The following ERC2 variants were observed in gnomAD, a reference collection of about 807,000 sequenced individuals.
ERC2 encodes ERC protein 2.
Under a neutral mutation model 114.8 loss-of-function variants are expected in ERC2, and 42 were observed. The ratio of observed to expected loss-of-function variants is 0.37; its 90% CI spans 0.29 to 0.47. The LOEUF (loss-of-function observed/expected upper bound fraction) is 0.47. Among genes scored for constraint, ERC2 ranks in the 20% least tolerant of loss-of-function variants. The probability of loss-of-function intolerance (pLI) is 0.99; values close to 1 mark genes in which losing one functional copy is unlikely to be tolerated. For missense variants in ERC2, 939 were observed against 1,150.7 expected, an observed-to-expected ratio of 0.82 and a Z score of 2.66; for synonymous variants, 454 against 425.5, an observed-to-expected ratio of 1.07 and a Z score of -0.82.
At chr3:55,530,914 C>G (rs2053625287) in intron 17 of ERC2, among the ~76,000 whole-genome samples, 1 of 152,190 alleles carries the variant, frequency 6.6e-6, no homozygotes, top group Non-Finnish European at 1.5e-5. Context: ...GGTTTGGATT[C>G]TAACAGGACT....
At chr3:55,943,350 A>G (rs2066924599) in intron 13 of ERC2, among the ~76,000 whole-genome samples, 1 of 152,182 alleles carries the variant, frequency 6.6e-6, no homozygotes, top group Admixed American at 6.5e-5. Flanking sequence ...ATGGAGTAAA[A>G]TAGAATAGAA....
chr3:55,829,874 T>G (rs367618083), intron 14 of ERC2, among the ~76,000 whole-genome samples: 1 of 151,928 alleles, frequency 6.6e-6, no homozygotes, highest in East Asian at 1.9e-4. Flanking sequence ...AGAAAAAGAG[T>G]GCAGTGCTGA....
intron 15 of ERC2, among the ~76,000 whole-genome samples, chr3:55,700,454 C>G (rs2063162847): frequency 6.6e-6 from 1 of 152,206 alleles, no homozygotes; most frequent in Admixed American, 6.5e-5. Flanking sequence ...TTCCTCAACT[C>G]TAAAATGAGA....
intron 15 of ERC2, among the ~76,000 whole-genome samples, chr3:55,734,267 C>A (rs2148921510): frequency 6.6e-6 from 1 of 152,126 alleles, no homozygotes; most frequent in Non-Finnish European, 1.5e-5. Flanking sequence ...AGTGCTAGAA[C>A]CTGGGAGATG....
chr3:56,109,914 G>A (rs553788074), intron 6 of ERC2, among the ~76,000 whole-genome samples: 1 of 152,266 alleles, frequency 6.6e-6, no homozygotes, highest in African/African-American at 2.4e-5. Context: ...AAATTCAACT[G>A]TATGTACAGC....
intron 1 of ERC2, among the ~76,000 whole-genome samples, chr3:56,458,234 A>G (rs1241712466): frequency 6.6e-6 from 1 of 152,232 alleles, no homozygotes; most frequent in African/African-American, 2.4e-5. Flanking sequence ...AAACTGTTGT[A>G]AAAATATATA....
chr3:56,307,401 A>G (rs1015030050), intron 2 of ERC2, among the ~76,000 whole-genome samples: 11 of 152,076 alleles, frequency 7.2e-5, no homozygotes, highest in Admixed American at 5.9e-4. Context: ...TTTGAGCAAT[A>G]TTGGCTGAGA....
At chr3:55,948,555 C>T (rs749531370) in intron 13 of ERC2, among the ~76,000 whole-genome samples, 11 of 152,186 alleles carry the variant, frequency 7.2e-5, no homozygotes, top group African/African-American at 2.2e-4. Context: ...CAAAATTAAT[C>T]GTGATTACTT....
chr3:56,170,326 G>A (rs751136645), intron 4 of ERC2, among the ~76,000 whole-genome samples: 1 of 152,196 alleles, frequency 6.6e-6, no homozygotes, highest in East Asian at 1.9e-4. Flanking sequence ...ATTTCCCAAG[G>A]TTCACCCCAG....
At chr3:56,247,082 G>A (rs1298667680) in intron 3 of ERC2, among the ~76,000 whole-genome samples, 1 of 152,210 alleles carries the variant, frequency 6.6e-6, no homozygotes, top group East Asian at 1.9e-4. Context: ...CTAAAAACTG[G>A]TGTGGACACT....
intron 3 of ERC2, among the ~76,000 whole-genome samples, chr3:56,201,805 A>C (rs745856117): frequency 6.6e-6 from 1 of 152,350 alleles, no homozygotes; most frequent in South Asian, 2.1e-4. Context: ...ATTCATAATA[A>C]AATAGTTCCC....
Position 55,850,845 on chromosome 3 carries a change from A to AACACACACACACAC in ERC2, c.2564+37530_2564+37543dup, listed in dbSNP as rs61573924. Among the ~76,000 whole-genome samples the AACACACACACACAC allele has an allele frequency of 2.1e-3, 269 of 125,944 alleles. 9 individuals are homozygous for AACACACACACACAC. The highest frequency in any genetic ancestry group is 4.9e-3 in the African/African-American group (163 of 33,048). The allele number at this position is 125,944 out of a possible 152,430, so 82.6% of individuals were successfully genotyped here. On this transcript the variant is annotated intron_variant, in intron 14 of 17. Transcript: ENST00000288221. ...TCCTGTTTCTAGATACTCTTTTTCA[A>AACACACACACACAC]ACACACACACACACACACACACACA...
chr3:56,312,052 A>C (rs537187147), intron 2 of ERC2, among the ~76,000 whole-genome samples: 8 of 152,336 alleles, frequency 5.3e-5, no homozygotes, highest in African/African-American at 1.7e-4. Flanking sequence ...GATGATTTAA[A>C]GTATCCAGGA....
At chr3:56,050,761 C>T (rs1254155967) in intron 7 of ERC2, among the ~76,000 whole-genome samples, 2 of 152,190 alleles carry the variant, frequency 1.3e-5, no homozygotes, top group African/African-American at 2.4e-5. Context: ...CTTTTGTTTA[C>T]TGACTAATTT....
intron 17 of ERC2, among the ~76,000 whole-genome samples, chr3:55,590,523 A>T (rs958452851): frequency 2.6e-5 from 4 of 152,230 alleles, no homozygotes; most frequent in African/African-American, 7.2e-5. Context: ...AACTGAATAA[A>T]TATGATTTTT....
At chr3:55,671,266 A>G (rs1336065937) in intron 17 of ERC2, among the ~76,000 whole-genome samples, 4 of 152,356 alleles carry the variant, frequency 2.6e-5, no homozygotes, top group South Asian at 2.1e-4. Flanking sequence ...TCTTCTCATT[A>G]GTAGAGGTAT....
intron 2 of ERC2, among the ~76,000 whole-genome samples, chr3:56,399,998 T>C (rs2060462221): frequency 6.6e-6 from 1 of 151,854 alleles, no homozygotes; most frequent in Non-Finnish European, 1.5e-5. Flanking sequence ...TGGTCCTTAT[T>C]TGAATTCTGA....
At chr3:55,588,971 G>A (rs1415614235) in intron 17 of ERC2, among the ~76,000 whole-genome samples, 1 of 152,024 alleles carries the variant, frequency 6.6e-6, no homozygotes, top group Non-Finnish European at 1.5e-5. Flanking sequence ...ACAGAGGGAG[G>A]GTAGGGCAAG....
At chr3:55,541,827 T>A (rs941653231) in intron 17 of ERC2, among the ~76,000 whole-genome samples, 1 of 152,238 alleles carries the variant, frequency 6.6e-6, no homozygotes, top group Non-Finnish European at 1.5e-5. Flanking sequence ...TTACAAACGT[T>A]GAATATAGAC....
Sources: allele counts gnomAD v4.1 joint callset (sites outside exome capture counted in the v4.1 genomes callset), GRCh38; gene constraint gnomAD v4.1.1; transcripts MANE v1.5; gene names NCBI Gene and HGNC (gene_info 2026-07-23, HGNC 2026-07-21).